The following DNAI2 variants were observed in gnomAD, a reference collection of about 807,000 sequenced individuals.
DNAI2 encodes dynein axonemal intermediate chain 2.
A neutral mutation model predicts 74.7 loss-of-function variants in DNAI2; 63 were observed. The observed-to-expected ratio is 0.84, with a 90% CI of 0.69 to 1.04. The LOEUF (loss-of-function observed/expected upper bound fraction) is 1.04. Ranked by LOEUF, DNAI2 falls within the 50% of genes least tolerant of loss-of-function variation. DNAI2 has a pLI of 0.00. For missense variants in DNAI2, 688 were observed against 803.2 expected (o/e 0.86, Z 1.73); for synonymous variants, 289 against 314.9 (o/e 0.92, Z 0.87).
chr17:74,300,475 T>C lies in DNAI2; in HGVS notation c.865-571T>C, dbSNP rs2052699238. ...CACACACTATTCTGTACTCGATGTT[T>C]TCCATTGTGTGTACCTTGGAGATAG... On this transcript the variant is annotated intron_variant, in intron 7 of 13. Transcript: ENST00000311014. This position sits in a 1 kb window ranked among gnomAD's most constrained non-coding sequence, Gnocchi z 4.5. Among the ~76,000 whole-genome samples, 1 of 152,230 alleles carries C rather than the reference T, an allele frequency of 6.6e-6. No homozygotes were observed. Among genetic ancestry groups the C allele is most frequent in the South Asian group, 2.1e-4 (1 of 4,830 alleles).
At chr17:74,309,558 G>T (rs1286310009) in intron 10 of DNAI2, 170 bp downstream of exon 10, 1 of 913,508 alleles carries the variant, frequency 1.1e-6, no homozygotes, top group Non-Finnish European at 1.7e-6. Flanking sequence ...TTGAGCGTGT[G>T]CTCCTACAAA....
At chr17:74,289,759 T>G in intron 5 of DNAI2, 23 bp downstream of exon 5, 1 of 1,613,246 alleles carries the variant, frequency 6.2e-7, no homozygotes, top group Non-Finnish European at 8.5e-7. Context: ...GGGGTCCTGG[T>G]GGCCTGGGAG....
intron 3 of DNAI2, among the ~76,000 whole-genome samples, chr17:74,285,927 G>A (rs2051693213): frequency 2.7e-5 from 4 of 150,216 alleles, no homozygotes; most frequent in Non-Finnish European, 5.9e-5. Flanking sequence ...AGGACAGGAA[G>A]AAGGAGATGA....
Position 74,286,645 on chromosome 17 carries a change from A to G in DNAI2, c.346-332A>G, listed in dbSNP as rs149843730. The stretch of plus-strand genomic sequence containing the variant: ...TTACTATGTTGGCCGGGCTGGTCTC[A>G]AACTCCTGACCTCAAGTGATCCACC... On this transcript the variant is annotated intron_variant, in intron 3 of 13. Transcript: ENST00000311014. Among the ~76,000 whole-genome samples the G allele has an allele frequency of 6.1e-3, 931 of 152,138 alleles. 13 individuals are homozygous for G. Among genetic ancestry groups the G allele is most frequent in the African/African-American group, 0.021 (883 of 41,508 alleles).
rs562043936 is a variant in DNAI2, at chr17:74,312,121, C to T, written c.1613C>T (p.Ala538Val). The T allele has an allele frequency of 6.2e-7, 1 of 1,613,766 alleles. No homozygotes were observed. The highest frequency in any genetic ancestry group is 2.2e-5 in the East Asian group (1 of 44,870). ...GAGGAGCAGACCGATGAGGAGCTGG[C>T]CGTAGACCTGGAGGCGCTGGTCAGC... The part of the protein sequence containing the change: ...RDEEQTDEEL[A>V]VDLEALVSKA... The change falls in exon 12 of 14, where the codon GCC becomes GTC. Residue 538 changes from alanine (A) to valine (V), a missense_variant. Transcript: ENST00000311014.
At chr17:74,276,093 C>G (rs759252738) in intron 1 of DNAI2, among the ~76,000 whole-genome samples, 9 of 152,120 alleles carry the variant, frequency 5.9e-5, no homozygotes, top group Non-Finnish European at 1.2e-4. Flanking sequence ...CACGCTGACA[C>G]TCCTCCTCCC....
chr17:74,311,973 AC>A, intron 11 of DNAI2, 29 bp from the exon 12 acceptor site: 1 of 1,601,134 alleles, frequency 6.2e-7, no homozygotes, highest in Non-Finnish European at 8.5e-7. Flanking sequence ...CCCTCTCCCC[AC>A]CGGGCTCTCT....
In DNAI2 at chr17:74,285,169, AACTAC is replaced by A. The variant is rs1442078154; in HGVS notation, c.314_318del (p.Asn105SerfsTer2). On this transcript the variant is annotated frameshift_variant, in exon 3 of 14. Transcript: ENST00000311014. LOFTEE classifies it high-confidence loss of function. ...CCGGAAGAAAGTGGAGAAAGATGAG[AACTAC>A]GTTAACGCCATCATGCAGCTCGGCT... is the stretch of plus-strand genomic sequence containing the variant. 1.9e-6 allele frequency: 3 copies of A among 1,614,192 alleles called. No homozygotes were observed. In the South Asian group the frequency reaches 3.3e-5, roughly 18 times the overall value.
At chr17:74,283,517 C>A (rs1022556209) in intron 2 of DNAI2, among the ~76,000 whole-genome samples, 7 of 151,466 alleles carry the variant, frequency 4.6e-5, no homozygotes, top group African/African-American at 1.7e-4. Flanking sequence ...TGGAGGCGGG[C>A]GGATTGCTTA....
At position 74,291,292 on chromosome 17, in the gene DNAI2, C is replaced by A. The variant is rs570869299; in HGVS notation, c.724+159C>A. 5.5e-4 allele frequency among the ~76,000 whole-genome samples: 84 copies of A among 152,262 alleles called. 1 individual carries two copies. The highest frequency in any genetic ancestry group is 1.9e-3 in the African/African-American group (79 of 41,554). ...TCTCCTGCCTCAGCCTCCCGAGTCG[C>A]TGAGATTACAGGCACCCACCACCAC... On this transcript the variant is annotated intron_variant, in intron 6 of 13. Transcript: ENST00000311014.
Position 74,285,958 on chromosome 17 carries a change from C to CATATATAT in DNAI2, c.345+763_345+770dup, listed in dbSNP as rs755199948. ...GATGAGTGCCATATACACACACACA[C>CATATATAT]ATATATATATATAGAGAGAGAGAGA... On this transcript the variant is annotated intron_variant, in intron 3 of 13. Transcript: ENST00000311014. Among the ~76,000 whole-genome samples the CATATATAT allele has an allele frequency of 4.0e-4, 45 of 111,852 alleles. No individual in the cohort carries two copies. In the East Asian group the frequency reaches 7.7e-3, roughly 19 times the overall value. 73.4% of individuals were successfully genotyped at this position (111,852 alleles called of 152,430 possible).
At position 74,314,765 on chromosome 17, in the gene DNAI2, C is replaced by T. The variant is rs903211121; in HGVS notation, c.*232C>T. 2.8e-5 allele frequency: 5 copies of T among 175,678 alleles called. No homozygotes were observed. The South Asian group carries it at 3.9e-4, about 14-fold the overall frequency. 10.9% of individuals were successfully genotyped at this position (175,678 alleles called of 1,614,324 possible). A position where few individuals can be genotyped will look rare whatever the true frequency, so the allele number is the denominator to read the frequency against. The stretch of plus-strand genomic sequence containing the variant: ...CCCTGACCATTTGGACACATTGCCA[C>T]GACAGGAGCCTCCAAGTATGTGGGA... On this transcript the variant is annotated 3_prime_UTR_variant, in exon 14 of 14. Transcript: ENST00000311014.
At chr17:74,308,015 C>G (rs1196414470) in intron 9 of DNAI2, among the ~76,000 whole-genome samples, 2 of 152,190 alleles carry the variant, frequency 1.3e-5, no homozygotes, top group African/African-American at 4.8e-5. Context: ...CCAGGCTGAT[C>G]TCAAACTCCT....
intron 8 of DNAI2, among the ~76,000 whole-genome samples, chr17:74,303,473 C>T (rs185932993): frequency 2.0e-5 from 3 of 152,304 alleles, no homozygotes; most frequent in African/African-American, 7.2e-5. Flanking sequence ...CATCGTTTTG[C>T]TCTGTTGCCC....
At chr17:74,296,712 C>T (rs188643631) in intron 6 of DNAI2, among the ~76,000 whole-genome samples, 2 of 152,278 alleles carry the variant, frequency 1.3e-5, no homozygotes, top group Non-Finnish European at 2.9e-5. Flanking sequence ...ACCACCAGAC[C>T]GGTCAGATAA....
intron 6 of DNAI2, among the ~76,000 whole-genome samples, chr17:74,294,092 G>T (rs1003818199): frequency 6.6e-6 from 1 of 151,856 alleles, no homozygotes; most frequent in Admixed American, 6.6e-5. Context: ...TTGGATCGTG[G>T]TTTTTTCCTT....
intron 3 of DNAI2, among the ~76,000 whole-genome samples, chr17:74,286,221 G>A (rs576504243): frequency 2.7e-5 from 4 of 150,880 alleles, no homozygotes; most frequent in East Asian, 2.0e-4. Flanking sequence ...GCTTGAACCC[G>A]AGAGACGGAA....
rs191031963 is a variant in DNAI2, at chr17:74,305,248, G to A, written c.1017G>A (p.Gln339=). The A allele has an allele frequency of 2.8e-5, 46 of 1,614,222 alleles. No homozygotes were observed. The highest frequency in any genetic ancestry group is 3.7e-5 in the Non-Finnish European group (44 of 1,180,046). The change falls in exon 9 of 14, where the codon CAG becomes CAA. Residue 339 remains glutamine (Q), a synonymous_variant. Transcript: ENST00000311014. ...CCAAGTTCATGGTGGGGACCGAGCA[G>A]GGCATCGTCATCTCCTGCAACCGCA... ...LPTKFMVGTE[Q]GIVISCNRKA... is the part of the protein sequence containing the mutation.
chr17:74,287,910 G>A (rs1017034233), intron 4 of DNAI2, among the ~76,000 whole-genome samples: 28 of 149,718 alleles, frequency 1.9e-4, no homozygotes, highest in African/African-American at 5.4e-4. Context: ...AGCCGAGATC[G>A]CACCACTGCA....
Sources: gnomAD v4.1 joint callset for allele counts (sites outside exome capture counted in the v4.1 genomes callset) on GRCh38, gnomAD v4.1.1 for gene constraint, Gnocchi (gnomAD v3.1) non-coding constraint, MANE v1.5 for transcripts, NCBI Gene and HGNC (gene_info 2026-07-23, HGNC 2026-07-21) for gene names.